MTUS2: variants seen among roughly 807,000 people sequenced by gnomAD.
The protein encoded by MTUS2 is microtubule associated scaffold protein 2.
A neutral mutation model predicts 114.1 loss-of-function variants in MTUS2; 40 were observed. The ratio of observed to expected loss-of-function variants is 0.35; its 90% CI spans 0.27 to 0.46. The LOEUF (loss-of-function observed/expected upper bound fraction) is 0.46, where lower values mean the gene tolerates loss of function less well. Among genes scored for constraint, MTUS2 ranks in the 20% least tolerant of loss-of-function variants. The probability of loss-of-function intolerance (pLI) is 1.00; values close to 1 mark genes in which losing one functional copy is unlikely to be tolerated. For missense variants in MTUS2, 1,679 were observed against 1,705.4 expected (o/e 0.98, Z 0.27); for synonymous variants, 688 against 672.0 (o/e 1.02, Z -0.37).
chr13:28,998,829 G>T (rs1885245035), intron 2 of MTUS2, among the ~76,000 whole-genome samples: 1 of 152,008 alleles, frequency 6.6e-6, no homozygotes, highest in African/African-American at 2.4e-5. Context: ...CTTTGCCATT[G>T]GTTCGAACTT....
At chr13:28,839,886 C>T (rs925403174) in intron 2 of MTUS2, 36 bp downstream of exon 2, 1 of 151,318 alleles carries the variant, frequency 6.6e-6, no homozygotes, top group African/African-American at 2.4e-5. Context: ...ATTTATTATT[C>T]CATTCTATTT....
chr13:29,485,290 A>G (rs17073517), intron 10 of MTUS2: 5,239 of 152,772 alleles, frequency 0.034, 251 homozygotes, highest in African/African-American at 0.11. Context: ...TGGCTGCTTC[A>G]TAAATGTGAA....
At chr13:28,954,941 C>G (rs550838853) in intron 2 of MTUS2, among the ~76,000 whole-genome samples, 6 of 152,170 alleles carry the variant, frequency 3.9e-5, no homozygotes, top group Non-Finnish European at 7.4e-5. Flanking sequence ...TGCCCCCAGA[C>G]AGTTACCATT....
chr13:29,182,693 T>C (rs1894056677), intron 5 of MTUS2, among the ~76,000 whole-genome samples: 1 of 152,174 alleles, frequency 6.6e-6, no homozygotes, highest in Admixed American at 6.5e-5. Flanking sequence ...AATAAGTACA[T>C]GCTAGTGTGT....
At chr13:29,423,949 C>T (rs1398459783) in intron 8 of MTUS2, among the ~76,000 whole-genome samples, 2 of 151,678 alleles carry the variant, frequency 1.3e-5, no homozygotes, top group South Asian at 2.1e-4. Context: ...ACGGCAACCT[C>T]GGCCTCCAGG....
rs17073433 is a variant in MTUS2 at position 29,459,363 on chromosome 13, T to G, written c.3184+19314T>G. Among the ~76,000 whole-genome samples the G allele has an allele frequency of 9.3e-4, 142 of 152,324 alleles. 1 individual carries two copies. In the East Asian group the frequency reaches 0.022, roughly 24 times the overall value. ...TCCCTCCTCTCCTTCATACTTTACATCCAACAGGTCATCAGTTTGTTGATT... is the reference window on the plus strand; with the variant it reads ...TCCCTCCTCTCCTTCATACTTTACAGCCAACAGGTCATCAGTTTGTTGATT... On this transcript the variant is annotated intron_variant, in intron 9 of 15. Transcript: ENST00000612955.
chr13:28,957,424 T>C (rs1883122480), intron 2 of MTUS2, among the ~76,000 whole-genome samples: 1 of 152,212 alleles, frequency 6.6e-6, no homozygotes, highest in Non-Finnish European at 1.5e-5. Context: ...TCCACATTAA[T>C]GGATTCATCC....
At chr13:29,073,279 G>A (rs766279843) in intron 4 of MTUS2, among the ~76,000 whole-genome samples, 1 of 152,176 alleles carries the variant, frequency 6.6e-6, no homozygotes, top group Non-Finnish European at 1.5e-5. Flanking sequence ...AAAACACACT[G>A]CATGAATAGG....
intron 2 of MTUS2, among the ~76,000 whole-genome samples, chr13:28,889,509 G>A (rs1174339728): frequency 2.6e-5 from 4 of 152,148 alleles, no homozygotes; most frequent in Admixed American, 6.5e-5. Context: ...TGATGAAGGG[G>A]AAGTGTGCAC....
In MTUS2 at chr13:29,071,409, A is replaced by ATTTTTTTTTTTTTTTTTTTTTTTT. The variant is rs751020009; in HGVS notation, c.2447-29353_2447-29330dup. Among the ~76,000 whole-genome samples the ATTTTTTTTTTTTTTTTTTTTTTTT allele has an allele frequency of 4.1e-4, 19 of 46,142 alleles. 5 individuals are homozygous for ATTTTTTTTTTTTTTTTTTTTTTTT. Among genetic ancestry groups the ATTTTTTTTTTTTTTTTTTTTTTTT allele is most frequent in the African/African-American group, 6.5e-4 (6 of 9,168 alleles). 30.3% of individuals were successfully genotyped at this position (46,142 alleles called of 152,430 possible). ...TTTAAAAGATCTCTATGTTGCTTGA[A>ATTTTTTTTTTTTTTTTTTTTTTTT]TTTTTTTTTTTTTTTTTTTTTTTTT... On this transcript the variant is annotated intron_variant, in intron 4 of 15. Transcript: ENST00000612955.
At chr13:29,185,595 A>G (rs1248079021) in intron 5 of MTUS2, among the ~76,000 whole-genome samples, 1 of 152,214 alleles carries the variant, frequency 6.6e-6, no homozygotes, top group Non-Finnish European at 1.5e-5. Flanking sequence ...CTCCCCCCCA[A>G]AAATCATGAA....
chr13:29,151,841 A>G (rs1892673412), intron 5 of MTUS2, among the ~76,000 whole-genome samples: 1 of 152,030 alleles, frequency 6.6e-6, no homozygotes, highest in Non-Finnish European at 1.5e-5. Context: ...ACATTTATTG[A>G]TTTGCATATG....
chr13:29,393,342 TCGCTCC>T (rs202104912), intron 8 of MTUS2, among the ~76,000 whole-genome samples: 6,117 of 152,266 alleles, frequency 0.04, 413 homozygotes, highest in African/African-American at 0.14. Context: ...GCACATCTTG[TCGCTCC>T]CGCTCCATTT....
chr13:28,843,976 T>C (rs1169772240), intron 2 of MTUS2, among the ~76,000 whole-genome samples: 1 of 152,262 alleles, frequency 6.6e-6, no homozygotes, highest in East Asian at 1.9e-4. Context: ...GAAAAGTTCC[T>C]GTGATACTCA....
chr13:29,032,566 C>G (rs1886876792), intron 3 of MTUS2, among the ~76,000 whole-genome samples: 1 of 152,176 alleles, frequency 6.6e-6, no homozygotes, highest in Admixed American at 6.5e-5. Flanking sequence ...AATGTTCTTT[C>G]ATAGGAATAT....
intron 1 of MTUS2, among the ~76,000 whole-genome samples, chr13:28,825,813 TC>T (rs2137930284): frequency 6.6e-6 from 1 of 152,356 alleles, no homozygotes; most frequent in East Asian, 1.9e-4. Flanking sequence ...ATATAGAGGT[TC>T]CTTGGATTGT....
chr13:29,028,186 A>G (rs879169427), intron 3 of MTUS2, among the ~76,000 whole-genome samples: 1 of 151,790 alleles, frequency 6.6e-6, no homozygotes. Flanking sequence ...CCCCGTCTCT[A>G]CTAAAAATAC....
intron 2 of MTUS2, among the ~76,000 whole-genome samples, chr13:28,930,818 C>G (rs191235931): frequency 2.0e-5 from 3 of 152,226 alleles, no homozygotes; most frequent in East Asian, 1.9e-4. Context: ...GGAGGACATT[C>G]CTATTAGTAA....
At chr13:29,080,296 C>G (rs1285842215) in intron 4 of MTUS2, among the ~76,000 whole-genome samples, 1 of 151,908 alleles carries the variant, frequency 6.6e-6, no homozygotes. Context: ...AAAATTAATA[C>G]AGAGGAAAAA....
Sources: gnomAD v4.1 joint callset for allele counts (sites outside exome capture counted in the v4.1 genomes callset) on GRCh38, gnomAD v4.1.1 for gene constraint, MANE v1.5 for transcripts, NCBI Gene and HGNC (gene_info 2026-07-23, HGNC 2026-07-21) for gene names.